Variants in RFX2 observed in about 807,000 individuals in gnomAD.
The protein encoded by RFX2 is regulatory factor X2.
Under a neutral mutation model 87.8 loss-of-function variants are expected in RFX2, and 20 were observed. That is an observed-to-expected ratio of 0.23 (90% confidence interval 0.16 to 0.33). The LOEUF is 0.33. Among genes scored for constraint, RFX2 ranks in the 10% least tolerant of loss-of-function variants. The pLI is 1.00. For missense variants in RFX2, 767 were observed against 1,012.3 expected, an observed-to-expected ratio of 0.76 and a Z score of 3.29; for synonymous variants, 397 against 431.3, an observed-to-expected ratio of 0.92 and a Z score of 0.98.
At position 6,106,038 on chromosome 19, in the gene RFX2, GT is replaced by G. The variant is rs577683137; in HGVS notation, c.-9+4354del. The stretch of plus-strand genomic sequence containing the variant: ...CCAGGCTCCAGTTCCCTATAGGCCT[GT>G]TAGGGCCTCTCTCTGGACCTTTTGC... On this transcript the variant is annotated intron_variant, in intron 1 of 17. Coordinates refer to ENST00000303657, the MANE Select transcript of RFX2 (RefSeq NM_000635.4). Among the ~76,000 whole-genome samples, 50 of 152,296 alleles carry G rather than the reference GT, an allele frequency of 3.3e-4. 1 individual carries two copies. In the South Asian group the frequency reaches 5.2e-3, roughly 16 times the overall value.
intron 5 of RFX2, among the ~76,000 whole-genome samples, chr19:6,028,666 A>G (rs2086918999): frequency 6.6e-6 from 1 of 152,168 alleles, no homozygotes; most frequent in Non-Finnish European, 1.5e-5. Context: ...AGAACTCTGG[A>G]AATGAATTAA....
At chr19:6,059,594 G>A (rs533978485) in intron 1 of RFX2, among the ~76,000 whole-genome samples, 2 of 152,088 alleles carry the variant, frequency 1.3e-5, no homozygotes, top group Admixed American at 6.5e-5. Context: ...GCTAGAGGCC[G>A]AGCAGCAGCT....
chr19:6,066,077 C>A (rs534121762), intron 1 of RFX2, among the ~76,000 whole-genome samples: 1 of 152,128 alleles, frequency 6.6e-6, no homozygotes, highest in African/African-American at 2.4e-5. Context: ...AAGCAACAAA[C>A]CCTTGTCAAC....
rs1427445549 is a variant in RFX2, at chr19:6,110,401, C to G, written c.-17G>C. 1 of 152,972 alleles carries G rather than the reference C, an allele frequency of 6.5e-6. No individual in the cohort carries two copies. Among genetic ancestry groups the G allele is most frequent in the African/African-American group, 2.4e-5 (1 of 41,372 alleles). 9.5% of individuals were successfully genotyped at this position (152,972 alleles called of 1,614,324 possible). On this transcript the variant is annotated 5_prime_UTR_variant, in exon 1 of 18. Coordinates refer to ENST00000303657, the MANE Select transcript of RFX2 (RefSeq NM_000635.4). The surrounding 1 kb of genome is among the most constrained non-coding windows in gnomAD (Gnocchi z 4.3). ...GCGGTCGCATCGGTCACCTGGAGTT[C>G]GGGCCGGGAGTTCGGGCAGCGGCTC...
chr19:6,030,344 G>A (rs1470970286), intron 5 of RFX2, among the ~76,000 whole-genome samples: 4 of 152,132 alleles, frequency 2.6e-5, no homozygotes, highest in African/African-American at 4.8e-5. Flanking sequence ...GCAGTGAAAC[G>A]ACTTAATCAA....
intron 17 of RFX2, 71 bp downstream of exon 17, chr19:5,995,530 G>A: frequency 6.9e-7 from 1 of 1,442,032 alleles, no homozygotes; most frequent in South Asian, 1.2e-5. Flanking sequence ...ATGAGATGGG[G>A]CAGACAGGCC....
At chr19:6,095,436 G>A (rs1250982884) in intron 1 of RFX2, among the ~76,000 whole-genome samples, 3 of 152,118 alleles carry the variant, frequency 2.0e-5, no homozygotes, top group African/African-American at 4.8e-5. Context: ...GCATGGATGG[G>A]GTGAGAAAGA....
intron 12 of RFX2, among the ~76,000 whole-genome samples, chr19:6,006,020 C>T (rs761894385): frequency 6.6e-5 from 10 of 152,212 alleles, no homozygotes; most frequent in African/African-American, 1.7e-4. Flanking sequence ...TAGAAAGCAC[C>T]GAGCCCAGCC....
Position 6,017,386 on chromosome 19 carries a change from C to G in RFX2, c.598-1115G>C, listed in dbSNP as rs1273070835. Among the ~76,000 whole-genome samples the G allele has an allele frequency of 6.6e-6, 1 of 152,238 alleles. No individual in the cohort carries two copies. Among genetic ancestry groups the G allele is most frequent in the Non-Finnish European group, 1.5e-5 (1 of 68,036 alleles). ...GGGCATGGACGCAAAGGTGGCCTGCCCACCAACTGATGCCCTCACCCAGGT... is the reference window on the plus strand; with the variant it reads ...GGGCATGGACGCAAAGGTGGCCTGCGCACCAACTGATGCCCTCACCCAGGT... On this transcript the variant is annotated intron_variant, in intron 6 of 17. Coordinates refer to ENST00000303657, the MANE Select transcript of RFX2 (RefSeq NM_000635.4). This position sits in a 1 kb window ranked among gnomAD's most constrained non-coding sequence, Gnocchi z 4.1.
chr19:6,002,128 C>A lies in RFX2; in HGVS notation c.1651-105G>T, dbSNP rs1599838837. The A allele has an allele frequency of 2.0e-6, 2 of 987,478 alleles. No individual in the cohort carries two copies. The highest frequency in any genetic ancestry group is 3.5e-5 in the South Asian group (2 of 57,362). 61.2% of individuals were successfully genotyped at this position (987,478 alleles called of 1,614,324 possible). The stretch of plus-strand genomic sequence containing the variant: ...GGCGGGACATCGTGCTGTGCTTGAG[C>A]CTTCTCGCCCTTGACCTTGACAGCT... On this transcript the variant is annotated intron_variant, in intron 14 of 17. Coordinates refer to ENST00000303657, the MANE Select transcript of RFX2 (RefSeq NM_000635.4). The surrounding 1 kb of genome is among the most constrained non-coding windows in gnomAD (Gnocchi z 6.7).
chr19:6,014,081 C>T (rs2086693849), intron 7 of RFX2, among the ~76,000 whole-genome samples: 1 of 152,076 alleles, frequency 6.6e-6, no homozygotes, highest in Non-Finnish European at 1.5e-5. Flanking sequence ...CAATTTAGTT[C>T]AGAAAACAGC....
At chr19:6,071,009 G>C (rs2087598834) in intron 1 of RFX2, among the ~76,000 whole-genome samples, 1 of 152,178 alleles carries the variant, frequency 6.6e-6, no homozygotes, top group African/African-American at 2.4e-5. Flanking sequence ...GAGCCCCCGT[G>C]CCTGGCCCTC....
intron 1 of RFX2, among the ~76,000 whole-genome samples, chr19:6,058,126 AGT>A (rs1415080235): frequency 6.6e-6 from 1 of 152,160 alleles, no homozygotes; most frequent in Admixed American, 6.5e-5. Flanking sequence ...CAAAGATGAC[AGT>A]GTGTGTCCCC....
chr19:6,069,431 A>G (rs73923436), intron 1 of RFX2, among the ~76,000 whole-genome samples: 9,750 of 152,222 alleles, frequency 0.064, 793 homozygotes, highest in African/African-American at 0.19. Flanking sequence ...TATAGAGAAC[A>G]TGAGCTAGAG....
intron 5 of RFX2, among the ~76,000 whole-genome samples, chr19:6,033,075 C>T (rs1268114184): frequency 6.6e-6 from 1 of 152,206 alleles, no homozygotes; most frequent in Non-Finnish European, 1.5e-5. Context: ...CCAGTGTGAG[C>T]CACCGCGCCC....
chr19:6,099,512 G>GT (rs1397014831), intron 1 of RFX2, among the ~76,000 whole-genome samples: 1 of 151,280 alleles, frequency 6.6e-6, no homozygotes, highest in Non-Finnish European at 1.5e-5. Context: ...CACGGGCTGC[G>GT]TGATTTTTTT....
At position 6,040,621 on chromosome 19, in the gene RFX2, T is replaced by C. The variant is rs1440132143; in HGVS notation, c.261-380A>G. Among the ~76,000 whole-genome samples, 2 of 151,974 alleles carry C rather than the reference T, an allele frequency of 1.3e-5. No homozygotes were observed. The highest frequency in any genetic ancestry group is 3.9e-4 in the East Asian group (2 of 5,170). ...AAAAAATAAAAGATTTAGCCAGGTG[T>C]GGTGGTGCGTGCCGGTAGTCCCAGC... On this transcript the variant is annotated intron_variant, in intron 4 of 17. Transcript: ENST00000303657. This position sits in a 1 kb window ranked among gnomAD's most constrained non-coding sequence, Gnocchi z 6.1.
chr19:6,042,145 G>T (rs760406728), intron 3 of RFX2, 22 bp from the exon 4 acceptor site: 1 of 1,609,622 alleles, frequency 6.2e-7, no homozygotes, highest in Admixed American at 1.7e-5. Context: ...GATACGCTGC[G>T]TTACCGCCAG....
In RFX2 at chr19:6,063,904, C is replaced by T. The variant is rs1224667637; in HGVS notation, c.-8-16400G>A. On this transcript the variant is annotated intron_variant, in intron 1 of 17. Coordinates refer to ENST00000303657, the MANE Select transcript of RFX2 (RefSeq NM_000635.4). This position sits in a 1 kb window ranked among gnomAD's most constrained non-coding sequence, Gnocchi z 4.0. Reference sequence around the variant, plus strand: ...GGGGCAGGACCACCCCCATGGAGAACCACACGTCTAAGGCCACACCTTTAC... The same window carrying T: ...GGGGCAGGACCACCCCCATGGAGAATCACACGTCTAAGGCCACACCTTTAC... Among the ~76,000 whole-genome samples the T allele has an allele frequency of 1.3e-5, 2 of 152,188 alleles. No individual in the cohort carries two copies. The highest frequency in any genetic ancestry group is 2.4e-5 in the African/African-American group (1 of 41,440).
Sources: allele counts gnomAD v4.1 joint callset (sites outside exome capture counted in the v4.1 genomes callset), GRCh38; gene constraint gnomAD v4.1.1; non-coding constraint Gnocchi (gnomAD v3.1); transcripts MANE v1.5; gene names NCBI Gene and HGNC (gene_info 2026-07-23, HGNC 2026-07-21).